PDZD2: variants seen among roughly 807,000 people sequenced by gnomAD.
PDZD2 encodes the protein PDZ domain containing 2, also known as PDZ domain-containing protein 2.
In PDZD2, 90 loss-of-function variants were observed where a neutral mutation model predicts 220.7. The observed-to-expected ratio is 0.41, with a 90% CI of 0.34 to 0.49. The LOEUF (loss-of-function observed/expected upper bound fraction) is 0.49. Among genes scored for constraint, PDZD2 ranks in the 20% least tolerant of loss-of-function variants. The probability of loss-of-function intolerance (pLI) is 0.28; values close to 1 mark genes in which losing one functional copy is unlikely to be tolerated. For synonymous variants in PDZD2, 1,375 were observed against 1,450.5 expected (o/e 0.95, Z 1.18); for missense variants, 3,174 against 3,608.5 (o/e 0.88, Z 3.08).
chr5:32,025,018 T>C (rs976829247), intron 6 of PDZD2, among the ~76,000 whole-genome samples: 1 of 152,238 alleles, frequency 6.6e-6, no homozygotes, highest in Non-Finnish European at 1.5e-5. Flanking sequence ...CCTCTCTTTT[T>C]GCTCCTTCCT....
intron 2 of PDZD2, among the ~76,000 whole-genome samples, chr5:31,803,452 G>A (rs945443964): frequency 6.6e-6 from 1 of 151,874 alleles, no homozygotes; most frequent in African/African-American, 2.4e-5. Context: ...AGAGGAGGCA[G>A]GGTAGGTGGC....
chr5:32,107,633 C>CAACT (rs1239729602), intron 24 of PDZD2, among the ~76,000 whole-genome samples: 3 of 152,176 alleles, frequency 2.0e-5, no homozygotes, highest in Non-Finnish European at 4.4e-5. Flanking sequence ...TTCCTTACCC[C>CAACT]AACTTTATTT....
chr5:31,758,163 C>T (rs1056816823), intron 1 of PDZD2, among the ~76,000 whole-genome samples: 11 of 152,194 alleles, frequency 7.2e-5, no homozygotes, highest in African/African-American at 2.2e-4. Context: ...TGCCCTGGAC[C>T]GCACTGGATT....
chr5:31,866,731 T>G (rs974478089), intron 2 of PDZD2, among the ~76,000 whole-genome samples: 11 of 152,360 alleles, frequency 7.2e-5, no homozygotes, highest in Middle Eastern at 6.8e-3. Context: ...CTAGTCTGTA[T>G]GCGGGTATCA....
chr5:32,047,159 C>T (rs936829094), intron 7 of PDZD2, among the ~76,000 whole-genome samples: 2 of 152,012 alleles, frequency 1.3e-5, no homozygotes, highest in African/African-American at 2.4e-5. Context: ...TACAACTTTA[C>T]GAAAGGAACA....
In PDZD2 at chr5:31,675,454, G is replaced by A. The variant is rs147607220; in HGVS notation, c.-361+36017G>A. On this transcript the variant is annotated intron_variant, in intron 1 of 24. Coordinates refer to ENST00000438447, the MANE Select transcript of PDZD2 (RefSeq NM_178140.4). ...TCAGGGCTGCTCAGGCCCTGTCTGC[G>A]TTGGCTGCCAATCCTATCAAAGGGA... Among the ~76,000 whole-genome samples the A allele has an allele frequency of 7.7e-3, 1,175 of 152,280 alleles. 10 individuals are homozygous for A. The highest frequency in any genetic ancestry group is 0.027 in the African/African-American group (1,115 of 41,550).
intron 2 of PDZD2, among the ~76,000 whole-genome samples, chr5:31,870,888 C>CAAA (rs71614289): frequency 4.5e-3 from 290 of 64,500 alleles, no homozygotes; most frequent in African/African-American, 0.014. Flanking sequence ...GACTCTGTCT[C>CAAA]AAAAAAAAAA....
chr5:31,957,020 A>G (rs1747776640), intron 2 of PDZD2, among the ~76,000 whole-genome samples: 1 of 152,160 alleles, frequency 6.6e-6, no homozygotes, highest in African/African-American at 2.4e-5. Context: ...ATAGGAGATC[A>G]CTGGTTAAGA....
At chr5:31,888,458 C>T (rs112092407) in intron 2 of PDZD2, among the ~76,000 whole-genome samples, 8,444 of 152,290 alleles carry the variant, frequency 0.055, 319 homozygotes, top group Middle Eastern at 0.078. Context: ...TCCCAAAGTG[C>T]TGGGATTACA....
At chr5:31,887,915 C>T (rs1039433302) in intron 2 of PDZD2, among the ~76,000 whole-genome samples, 3 of 151,978 alleles carry the variant, frequency 2.0e-5, no homozygotes, top group African/African-American at 7.3e-5. Flanking sequence ...GCTGCTTAGC[C>T]GAAGAGTGGC....
intron 6 of PDZD2, among the ~76,000 whole-genome samples, chr5:32,028,377 G>A (rs748197511): frequency 2.0e-5 from 3 of 152,106 alleles, no homozygotes; most frequent in South Asian, 2.1e-4. Context: ...CCTAGAAGAC[G>A]AAATTTGCCA....
chr5:31,807,593 G>A (rs897584487), intron 2 of PDZD2, among the ~76,000 whole-genome samples: 2 of 152,340 alleles, frequency 1.3e-5, no homozygotes, highest in Admixed American at 1.3e-4. Context: ...ACTCCACAGG[G>A]AAGACAAAGA....
chr5:31,878,782 C>G (rs1422427976), intron 2 of PDZD2, among the ~76,000 whole-genome samples: 1 of 151,374 alleles, frequency 6.6e-6, no homozygotes, highest in Non-Finnish European at 1.5e-5. Context: ...AGGATGGTCT[C>G]GATCTCCTGA....
At chr5:31,878,685 T>C (rs961428873) in intron 2 of PDZD2, among the ~76,000 whole-genome samples, 3 of 148,470 alleles carry the variant, frequency 2.0e-5, no homozygotes, top group African/African-American at 7.4e-5. Flanking sequence ...CTCAGCCTCC[T>C]GAGTAGCTGG....
intron 1 of PDZD2, chr5:31,754,280 T>C (rs1249406977): frequency 6.6e-6 from 1 of 152,228 alleles, no homozygotes; most frequent in Non-Finnish European, 1.5e-5. Context: ...CATCCTGATA[T>C]GGAACCACAG....
intron 1 of PDZD2, among the ~76,000 whole-genome samples, chr5:31,778,129 C>T (rs1433938072): frequency 1.3e-5 from 2 of 151,460 alleles, no homozygotes; most frequent in Non-Finnish European, 2.9e-5. Flanking sequence ...GGAACTTTTA[C>T]GTCTAGCTGG....
At chr5:31,989,424 T>TTTTTTTTTTTTATTTATTTA (rs1751017353) in intron 3 of PDZD2, among the ~76,000 whole-genome samples, 1 of 136,690 alleles carries the variant, frequency 7.3e-6, no homozygotes, top group South Asian at 2.6e-4. Context: ...TTCTTTTCTT[T>TTTTTTTTTTTTATTTATTTA]TTTTTTTTTT....
At chr5:32,086,494 AC>A (rs1235803189) in intron 19 of PDZD2, among the ~76,000 whole-genome samples, 1 of 152,208 alleles carries the variant, frequency 6.6e-6, no homozygotes, top group Non-Finnish European at 1.5e-5. Context: ...TCATAGAAAT[AC>A]CAAAAGAGAG....
At chr5:31,721,892 T>C (rs1748824461) in intron 1 of PDZD2, among the ~76,000 whole-genome samples, 1 of 152,154 alleles carries the variant, frequency 6.6e-6, no homozygotes, top group Non-Finnish European at 1.5e-5. Flanking sequence ...CCTAAATCTG[T>C]TTCTCCTCTG....
Sources: gnomAD v4.1 joint callset for allele counts (sites outside exome capture counted in the v4.1 genomes callset) on GRCh38, gnomAD v4.1.1 for gene constraint, MANE v1.5 for transcripts, NCBI Gene and HGNC (gene_info 2026-07-23, HGNC 2026-07-21) for gene names.